MYH10: variants seen among roughly 807,000 people sequenced by gnomAD.
MYH10 encodes the protein myosin heavy chain 10.
MYH10 carries 55 observed loss-of-function variants against 257.8 expected under a neutral mutation model. The observed-to-expected ratio is 0.21, with a 90% confidence interval of 0.17 to 0.27. The LOEUF is 0.27. Among genes scored for constraint, MYH10 ranks in the 10% least tolerant of loss-of-function variants. The pLI is 1.00. For synonymous variants in MYH10, 854 were observed against 921.7 expected (o/e 0.93, Z 1.33); for missense variants, 1,631 against 2,500.6 (o/e 0.65, Z 7.42).
At chr17:8,573,828 G>T in intron 6 of MYH10, 1 of 974,920 alleles carries the variant, frequency 1.0e-6, no homozygotes, top group Non-Finnish European at 1.2e-6. Flanking sequence ...AAATGAAGAT[G>T]AAATTTAAAA....
rs1362838518 is a variant in MYH10, at chr17:8,535,699, T to C, written c.1779+59A>G. ...CACCTTTGTTACACCTTCATAAAAATGTAGCAAAATTTCAAACACAGCCAT... is the reference window on the plus strand; with the variant it reads ...CACCTTTGTTACACCTTCATAAAAACGTAGCAAAATTTCAAACACAGCCAT... On this transcript the variant is annotated intron_variant, in intron 15 of 42. Coordinates refer to ENST00000360416, the MANE Select transcript of MYH10 (RefSeq NM_001256012.3). This position sits in a 1 kb window ranked among gnomAD's most constrained non-coding sequence, Gnocchi z 4.3. The C allele has an allele frequency of 3.3e-6, 5 of 1,533,824 alleles. No homozygotes were observed. The African/African-American group carries it at 6.9e-5, about 21-fold the overall frequency.
At chr17:8,524,199 A>C (rs2081757247) in intron 17 of MYH10, among the ~76,000 whole-genome samples, 1 of 151,986 alleles carries the variant, frequency 6.6e-6, no homozygotes, top group Non-Finnish European at 1.5e-5. Flanking sequence ...CCAGTATTTT[A>C]GGAGGCCGAG....
Position 8,545,360 on chromosome 17 carries a change from G to A in MYH10, c.1431+88C>T, listed in dbSNP as rs943961733. The A allele has an allele frequency of 6.2e-6, 9 of 1,443,944 alleles. No homozygotes were observed. The highest frequency in any genetic ancestry group is 2.5e-5 in the South Asian group (2 of 81,076). 89.4% of individuals were successfully genotyped at this position (1,443,944 alleles called of 1,614,324 possible). On this transcript the variant is annotated intron_variant, in intron 13 of 42. Transcript: ENST00000360416. This position sits in a 1 kb window ranked among gnomAD's most constrained non-coding sequence, Gnocchi z 4.7. ...GCAGGGACTGTATCCCTGGTGCCTCGTATGTACTGGGCACACAGTAAGCCT... is the reference window on the plus strand; with the variant it reads ...GCAGGGACTGTATCCCTGGTGCCTCATATGTACTGGGCACACAGTAAGCCT...
Position 8,552,267 on chromosome 17 carries a change from A to G in MYH10, c.821-123T>C, listed in dbSNP as rs991209553. ...TCTTTCTCTGATTATTATATAAACT[A>G]TCCTGCAATGAACTATTCTAAATGA... On this transcript the variant is annotated intron_variant, in intron 8 of 42. Coordinates refer to ENST00000360416, the MANE Select transcript of MYH10 (RefSeq NM_001256012.3). This position sits in a 1 kb window ranked among gnomAD's most constrained non-coding sequence, Gnocchi z 4.8. 2 of 453,810 alleles carry G rather than the reference A, an allele frequency of 4.4e-6. No homozygotes were observed. The highest frequency in any genetic ancestry group is 3.5e-5 in the East Asian group (1 of 28,352). The allele number at this position is 453,810 out of a possible 1,614,324, so 28.1% of individuals were successfully genotyped here.
At chr17:8,532,744 C>G (rs2082038997) in intron 16 of MYH10, among the ~76,000 whole-genome samples, 1 of 152,214 alleles carries the variant, frequency 6.6e-6, no homozygotes, top group Non-Finnish European at 1.5e-5. Context: ...ATCCTGGTTT[C>G]TCAACTGGAT....
intron 4 of MYH10, among the ~76,000 whole-genome samples, chr17:8,586,686 G>A (rs760711516): frequency 3.9e-5 from 6 of 152,216 alleles, no homozygotes; most frequent in South Asian, 2.1e-4. Context: ...AAATGGTGTC[G>A]ATCATCTAAT....
chr17:8,591,780 G>C lies in MYH10; in HGVS notation c.503-2672C>G, dbSNP rs191243215. Among the ~76,000 whole-genome samples the C allele has an allele frequency of 7.0e-4, 107 of 152,030 alleles. 1 individual carries two copies. Among genetic ancestry groups the C allele is most frequent in the Non-Finnish European group, 1.5e-4 (10 of 67,988 alleles). ...CACGCTTCTTGCTATCCCACCCCCT[G>C]TCAAACAACAACAAAAAACCAACTC... On this transcript the variant is annotated intron_variant, in intron 3 of 42. Coordinates refer to ENST00000360416, the MANE Select transcript of MYH10 (RefSeq NM_001256012.3).
intron 36 of MYH10, among the ~76,000 whole-genome samples, 155 bp downstream of exon 36, chr17:8,487,278 A>G (rs549992062): frequency 3.6e-4 from 55 of 152,302 alleles, no homozygotes; most frequent in Non-Finnish European, 3.2e-4. Context: ...CTGTGGACAC[A>G]GCGGACACAC....
intron 2 of MYH10, among the ~76,000 whole-genome samples, chr17:8,610,634 G>A (rs1395518779): frequency 1.3e-5 from 2 of 152,114 alleles, no homozygotes; most frequent in African/African-American, 4.8e-5. Flanking sequence ...ATGGATTAAT[G>A]CCAATTATAA....
At chr17:8,542,357 A>C in intron 13 of MYH10, 77 bp from the exon 14 acceptor site, 1 of 1,372,204 alleles carries the variant, frequency 7.3e-7, no homozygotes, top group Non-Finnish European at 1.0e-6. Flanking sequence ...TGTAGTTATA[A>C]AAAAATTTTT....
At chr17:8,529,047 C>T (rs1006770680) in intron 17 of MYH10, among the ~76,000 whole-genome samples, 4 of 152,196 alleles carry the variant, frequency 2.6e-5, no homozygotes, top group African/African-American at 9.7e-5. Context: ...TGCTCATTCA[C>T]TAGCATGAAG....
At chr17:8,550,308 T>G (rs1484405132) in intron 9 of MYH10, among the ~76,000 whole-genome samples, 157 of 146,560 alleles carry the variant, frequency 1.1e-3, no homozygotes, top group African/African-American at 3.6e-3. Flanking sequence ...GCCGCCCATC[T>G]TCTGAGATGT....
chr17:8,498,149 A>T (rs1388103785), intron 30 of MYH10, among the ~76,000 whole-genome samples: 2 of 151,290 alleles, frequency 1.3e-5, no homozygotes, highest in Admixed American at 6.6e-5. Context: ...CACCTGGCCA[A>T]TTTTTTTGTA....
At chr17:8,515,570 T>G (rs926267144) in intron 21 of MYH10, among the ~76,000 whole-genome samples, 4 of 116,270 alleles carry the variant, frequency 3.4e-5, no homozygotes, top group African/African-American at 1.3e-4. Flanking sequence ...TGAGACAGAG[T>G]CTTGCTCTGT....
chr17:8,531,272 G>A (rs1388356596), intron 16 of MYH10, among the ~76,000 whole-genome samples: 3 of 151,942 alleles, frequency 2.0e-5, no homozygotes, highest in Non-Finnish European at 2.9e-5. Context: ...AATTATAAGC[G>A]AGATTATACT....
chr17:8,554,835 C>A (rs543830574), intron 7 of MYH10, among the ~76,000 whole-genome samples: 30 of 152,316 alleles, frequency 2.0e-4, no homozygotes, highest in African/African-American at 7.2e-4. Flanking sequence ...TGCCTGTAAT[C>A]CCAGCTACTC....
intron 2 of MYH10, among the ~76,000 whole-genome samples, chr17:8,614,728 C>A (rs2085187216): frequency 6.6e-6 from 1 of 152,078 alleles, no homozygotes; most frequent in Admixed American, 6.5e-5. Flanking sequence ...ACAGCTACAG[C>A]AGTACTTAGA....
Position 8,504,621 on chromosome 17 carries a change from A to G in MYH10, c.3599+73T>C. 2 of 1,328,030 alleles carry G rather than the reference A, an allele frequency of 1.5e-6. No homozygotes were observed. Among genetic ancestry groups the G allele is most frequent in the Non-Finnish European group, 2.1e-6 (2 of 941,990 alleles). 82.3% of individuals were successfully genotyped at this position (1,328,030 alleles called of 1,614,324 possible). A position where few individuals can be genotyped will look rare whatever the true frequency, so the allele number is the denominator to read the frequency against. On this transcript the variant is annotated intron_variant, in intron 28 of 42. Transcript: ENST00000360416. The surrounding 1 kb of genome is among the most constrained non-coding windows in gnomAD (Gnocchi z 5.6). ...ACCACCTCCCAAAGATAGCAAGCAC[A>G]CCAGGCATTTCTGCACGGGCTCGGT...
chr17:8,571,542 C>A (rs535710203), intron 6 of MYH10, among the ~76,000 whole-genome samples: 2 of 151,900 alleles, frequency 1.3e-5, no homozygotes, highest in South Asian at 4.2e-4. Context: ...CAAAACTTTG[C>A]GAGGCCAAGG....
Sources: allele counts gnomAD v4.1 joint callset (sites outside exome capture counted in the v4.1 genomes callset), GRCh38; gene constraint gnomAD v4.1.1; non-coding constraint Gnocchi (gnomAD v3.1); transcripts MANE v1.5; gene names NCBI Gene and HGNC (gene_info 2026-07-23, HGNC 2026-07-21).